Variants in ABI3BP observed in about 807,000 individuals in gnomAD.
ABI3BP encodes target of Nesh-SH3.
Under a neutral mutation model 268.6 loss-of-function variants are expected in ABI3BP, and 216 were observed. That is an observed-to-expected ratio of 0.80 (90% CI 0.72 to 0.90). The LOEUF (loss-of-function observed/expected upper bound fraction) is 0.90, where lower values mean the gene tolerates loss of function less well. Ranked by LOEUF, ABI3BP falls within the 40% of genes least tolerant of loss-of-function variation. The pLI is 0.00. For synonymous variants in ABI3BP, 730 were observed against 730.0 expected (o/e 1.00, Z 0.00); for missense variants, 2,090 against 2,182.4 (o/e 0.96, Z 0.84).
rs2096254083 is a variant in ABI3BP at position 100,766,024 on chromosome 3, A to G, written c.4742-75T>C. 4 of 1,098,428 alleles carry G rather than the reference A, an allele frequency of 3.6e-6. No individual in the cohort carries two copies. The South Asian group carries it at 4.1e-5, about 11-fold the overall frequency. The allele number at this position is 1,098,428 out of a possible 1,614,324, so 68.0% of individuals were successfully genotyped here. On this transcript the variant is annotated intron_variant, in intron 62 of 67. Transcript: ENST00000471714. ...CTTAATTGCTCCTGAAGCTAATAGC[A>G]TAAAAAAGCCACTTACATAAAGTAA...
At chr3:100,969,229 C>T (rs2082526725) in intron 1 of ABI3BP, among the ~76,000 whole-genome samples, 2 of 152,156 alleles carry the variant, frequency 1.3e-5, no homozygotes, top group African/African-American at 4.8e-5. Context: ...ATATGGAGTA[C>T]AGCATCCCAA....
At chr3:100,877,199 C>G (rs1436436546) in intron 6 of ABI3BP, among the ~76,000 whole-genome samples, 1 of 152,116 alleles carries the variant, frequency 6.6e-6, no homozygotes, top group Non-Finnish European at 1.5e-5. Context: ...GATATGACAC[C>G]GCCAAATTGT....
Position 100,926,454 on chromosome 3 carries a change from ATG to A in ABI3BP, c.105_106del (p.Ile36GlnfsTer5). The A allele has an allele frequency of 6.2e-7, 1 of 1,613,308 alleles. No homozygotes were observed. The highest frequency in any genetic ancestry group is 8.5e-7 in the Non-Finnish European group (1 of 1,179,504). ...GAGGATGGAGTCACTTGTGGTATTG[ATG>A]TGGACTTTGAGGTTTGGCCTTTTAC... On this transcript the variant is annotated frameshift_variant, in exon 2 of 68. Transcript: ENST00000471714. LOFTEE classifies it high-confidence loss of function.
chr3:100,900,780 CA>C (rs1482735503), intron 3 of ABI3BP, among the ~76,000 whole-genome samples: 1 of 152,008 alleles, frequency 6.6e-6, no homozygotes, highest in African/African-American at 2.4e-5. Context: ...ATCCGCTATC[CA>C]AAAAGAAAGG....
intron 29 of ABI3BP, 139 bp from the exon 30 acceptor site, chr3:100,833,296 C>A: frequency 1.4e-6 from 1 of 726,518 alleles, no homozygotes; most frequent in Non-Finnish European, 2.2e-6. Flanking sequence ...TTTTGAAGTT[C>A]TCAAGTGAGG....
Position 100,833,158 on chromosome 3 carries a change from C to T in ABI3BP, c.2282-1G>A, listed in dbSNP as rs80225944. On this transcript the variant is annotated splice_acceptor_variant, in intron 29 of 67. Coordinates refer to ENST00000471714, the MANE Select transcript of ABI3BP (RefSeq NM_001375547.2). LOFTEE classifies it high-confidence loss of function. ...GTCCCAGGAGTAATAGGTCCAAAGT[C>T]TGTAGCAAGAAATGATCAAAAGCAA... is the stretch of plus-strand genomic sequence containing the variant. The T allele has an allele frequency of 8.1e-4, 1,237 of 1,534,244 alleles. 6 individuals carry two copies. The African/African-American group carries it at 0.015, about 19-fold the overall frequency.
intron 6 of ABI3BP, among the ~76,000 whole-genome samples, chr3:100,884,654 C>CA (rs2041030603): frequency 6.6e-6 from 1 of 152,168 alleles, no homozygotes; most frequent in East Asian, 1.9e-4. Context: ...CCACACACCT[C>CA]AAGCACACAT....
At chr3:100,948,899 T>C (rs1561958719) in intron 1 of ABI3BP, among the ~76,000 whole-genome samples, 1 of 152,208 alleles carries the variant, frequency 6.6e-6, no homozygotes, top group Admixed American at 6.5e-5. Context: ...ACTCAACTTG[T>C]ACACATTCAT....
chr3:100,926,630 C>T lies in ABI3BP; in HGVS notation c.80-149G>A, dbSNP rs530107358. On this transcript the variant is annotated intron_variant, in intron 1 of 67. Coordinates refer to ENST00000471714, the MANE Select transcript of ABI3BP (RefSeq NM_001375547.2). Reference sequence around the variant, plus strand: ...CTCAGTATTACAGCACACACCCAAACGCCCAAAATGAAGCTAAATAACATA... The same window carrying T: ...CTCAGTATTACAGCACACACCCAAATGCCCAAAATGAAGCTAAATAACATA... 7.9e-5 allele frequency: 54 copies of T among 683,284 alleles called. No homozygotes were observed. The Middle Eastern group carries it at 2.5e-3, about 32-fold the overall frequency. The allele number at this position is 683,284 out of a possible 1,614,324, so 42.3% of individuals were successfully genotyped here. A position where few individuals can be genotyped will look rare whatever the true frequency, so the allele number is the denominator to read the frequency against.
intron 50 of ABI3BP, among the ~76,000 whole-genome samples, chr3:100,805,125 T>G (rs1401911165): frequency 6.6e-6 from 1 of 152,114 alleles, no homozygotes; most frequent in Non-Finnish European, 1.5e-5. Context: ...GATGACAACT[T>G]TTTAGAAATC....
chr3:100,795,055 C>A, intron 53 of ABI3BP, 52 bp from the exon 54 acceptor site: 1 of 1,164,892 alleles, frequency 8.6e-7, no homozygotes, highest in South Asian at 2.1e-5. Context: ...AAAGCCAGCA[C>A]CAGACCAGAT....
chr3:100,946,743 G>A (rs1357589831), intron 1 of ABI3BP, among the ~76,000 whole-genome samples: 4 of 150,980 alleles, frequency 2.6e-5, no homozygotes, highest in East Asian at 2.0e-4. Context: ...AGCCCAGATC[G>A]TGCCATTGCA....
intron 31 of ABI3BP, among the ~76,000 whole-genome samples, chr3:100,831,086 C>T (rs1036132847): frequency 1.2e-4 from 18 of 152,162 alleles, no homozygotes; most frequent in Admixed American, 7.9e-4. Flanking sequence ...CAGAGAGCCC[C>T]TATGGTGATC....
chr3:100,877,417 C>G (rs185577368), intron 6 of ABI3BP, among the ~76,000 whole-genome samples: 309 of 152,320 alleles, frequency 2.0e-3, no homozygotes, highest in Admixed American at 5.8e-3. Flanking sequence ...ACAGCCTGTA[C>G]TTTCAACCAT....
chr3:100,875,398 A>C, intron 8 of ABI3BP, 110 bp downstream of exon 8: 2 of 806,796 alleles, frequency 2.5e-6, no homozygotes, highest in Non-Finnish European at 4.2e-6. Context: ...AAGGAAGTGA[A>C]CCACATCAAT....
intron 1 of ABI3BP, among the ~76,000 whole-genome samples, chr3:100,972,784 G>A (rs950791953): frequency 3.3e-5 from 5 of 152,144 alleles, no homozygotes; most frequent in African/African-American, 1.2e-4. Flanking sequence ...GCAAATAACA[G>A]CCAAGCTTCA....
chr3:100,765,813 T>G, intron 63 of ABI3BP, 28 bp downstream of exon 63: 1 of 1,512,606 alleles, frequency 6.6e-7, no homozygotes, highest in South Asian at 1.2e-5. Flanking sequence ...ACTCTCAGAA[T>G]TTACCTGGAA....
intron 14 of ABI3BP, among the ~76,000 whole-genome samples, chr3:100,855,401 A>G (rs2098928581): frequency 6.6e-6 from 1 of 152,246 alleles, no homozygotes; most frequent in African/African-American, 2.4e-5. Flanking sequence ...ATTAGTAACT[A>G]TGTGAAAACT....
At chr3:100,773,097 A>C (rs1021051395) in intron 61 of ABI3BP, among the ~76,000 whole-genome samples, 1 of 151,620 alleles carries the variant, frequency 6.6e-6, no homozygotes, top group Non-Finnish European at 1.5e-5. Flanking sequence ...AAAAAAAAGA[A>C]AAGAAAAAGA....
Sources: allele counts gnomAD v4.1 joint callset (sites outside exome capture counted in the v4.1 genomes callset), GRCh38; gene constraint gnomAD v4.1.1; transcripts MANE v1.5; gene names NCBI Gene and HGNC (gene_info 2026-07-23, HGNC 2026-07-21).